The following ST3GAL3 variants were observed in gnomAD, a reference collection of about 807,000 sequenced individuals.
The protein encoded by ST3GAL3 is ST3 beta-galactoside alpha-2,3-sialyltransferase 3, also known as CMP-N-acetylneuraminate-beta-1,4-galactoside alpha-2,3-sialyltransferase.
ST3GAL3 carries 21 observed loss-of-function variants against 50.1 expected under a neutral mutation model. That is an observed-to-expected ratio of 0.42 (90% CI 0.30 to 0.60). The LOEUF (loss-of-function observed/expected upper bound fraction) is 0.60, where lower values mean the gene tolerates loss of function less well. Ranked by LOEUF, ST3GAL3 falls within the 20% of genes least tolerant of loss-of-function variation. The pLI, the probability that ST3GAL3 is intolerant of heterozygous loss-of-function variation, is 0.19. For missense variants in ST3GAL3, 353 were observed against 489.4 expected (o/e 0.72, Z 2.63); for synonymous variants, 183 against 190.0 (o/e 0.96, Z 0.30).
intron 5 of ST3GAL3, among the ~76,000 whole-genome samples, chr1:43,846,788 C>T (rs750899791): frequency 6.6e-6 from 1 of 152,224 alleles, no homozygotes; most frequent in South Asian, 2.1e-4. Context: ...CATGAGCCAC[C>T]GTGCTCAGCT....
chr1:43,823,742 G>A (rs556242757), intron 4 of ST3GAL3, among the ~76,000 whole-genome samples: 1 of 152,254 alleles, frequency 6.6e-6, no homozygotes, highest in Non-Finnish European at 1.5e-5. Context: ...GTATTACTTA[G>A]TGATCAATTA....
At chr1:43,906,441 T>C (rs1571189183) in intron 9 of ST3GAL3, among the ~76,000 whole-genome samples, 2 of 93,432 alleles carry the variant, frequency 2.1e-5, no homozygotes, top group Admixed American at 1.2e-4. Context: ...CTCTTCCCCC[T>C]CCTCCTCCTG....
In ST3GAL3 at chr1:43,805,592, A is replaced by G. The variant is rs111713665; in HGVS notation, c.167-9299A>G. ...TGTTAGGTGATGCACCTGTGAGGAAAAGAAGAGTCTTAGTGGAACTTCTAG... is the reference window on the plus strand; with the variant it reads ...TGTTAGGTGATGCACCTGTGAGGAAGAGAAGAGTCTTAGTGGAACTTCTAG... On this transcript the variant is annotated intron_variant, in intron 3 of 11. Transcript: ENST00000347631. Among the ~76,000 whole-genome samples, 8 of 152,348 alleles carry G rather than the reference A, an allele frequency of 5.3e-5. 2 individuals are homozygous for G. The highest frequency in any genetic ancestry group is 1.9e-4 in the African/African-American group (8 of 41,574).
intron 2 of ST3GAL3, among the ~76,000 whole-genome samples, chr1:43,780,313 A>G (rs1301676142): frequency 1.3e-5 from 2 of 152,038 alleles, no homozygotes; most frequent in African/African-American, 4.8e-5. Context: ...TCTGATTTTT[A>G]ATTATTTATA....
intron 5 of ST3GAL3, among the ~76,000 whole-genome samples, chr1:43,856,092 A>G (rs1415408344): frequency 6.6e-6 from 1 of 152,260 alleles, no homozygotes; most frequent in Non-Finnish European, 1.5e-5. Context: ...TGATCTCGTC[A>G]CATTCTTTTA....
In ST3GAL3 at chr1:43,901,993, G is replaced by A. The variant is rs533277947; in HGVS notation, c.744+2266G>A. On this transcript the variant is annotated intron_variant, in intron 9 of 11. Coordinates refer to ENST00000347631, the MANE Select transcript of ST3GAL3 (RefSeq NM_006279.5). ...CTGCCCAGGCCCTTTGGCTGCCCAA[G>A]GGACCTCTTCTTTAGTGTCCTTCTC... is the stretch of plus-strand genomic sequence containing the variant. Among the ~76,000 whole-genome samples, 10 of 152,330 alleles carry A rather than the reference G, an allele frequency of 6.6e-5. No homozygotes were observed. In the South Asian group the frequency reaches 2.1e-3, roughly 32 times the overall value.
intron 5 of ST3GAL3, among the ~76,000 whole-genome samples, chr1:43,872,743 C>T (rs868304053): frequency 2.2e-4 from 33 of 151,872 alleles, no homozygotes; most frequent in African/African-American, 7.5e-4. Context: ...GGCAAAGAAA[C>T]GATATAGAAA....
chr1:43,834,424 C>T (rs1406669408), intron 4 of ST3GAL3, among the ~76,000 whole-genome samples: 1 of 152,188 alleles, frequency 6.6e-6, no homozygotes, highest in African/African-American at 2.4e-5. Context: ...ACGAGTTTCA[C>T]CTCCACATTC....
chr1:43,851,133 T>G, intron 5 of ST3GAL3: 1 of 1,156,152 alleles, frequency 8.6e-7, no homozygotes, highest in South Asian at 1.2e-5. Context: ...GAGGAGCAGC[T>G]GGTTCCTGCA....
At position 43,898,546 on chromosome 1, in the gene ST3GAL3, T is replaced by C. The variant is rs369111761; in HGVS notation, c.461+248T>C. 68 of 577,676 alleles carry C rather than the reference T, an allele frequency of 1.2e-4. 2 individuals carry two copies. The highest frequency in any genetic ancestry group is 4.1e-4 in the East Asian group (13 of 31,510). The allele number at this position is 577,676 out of a possible 1,614,324, so 35.8% of individuals were successfully genotyped here. On this transcript the variant is annotated intron_variant, in intron 7 of 11. Coordinates refer to ENST00000347631, the MANE Select transcript of ST3GAL3 (RefSeq NM_006279.5). ...ATACCAGAGGTTTGAGGGTAAGAAC[T>C]GAACACACTGGGGCTGGGACTAGCC...
At chr1:43,730,571 C>CTT (rs11318191) in intron 1 of ST3GAL3, among the ~76,000 whole-genome samples, 14 of 122,370 alleles carry the variant, frequency 1.1e-4, no homozygotes, top group South Asian at 2.6e-4. Context: ...TCTTTTCTTT[C>CTT]TTTTTTTTTT....
intron 2 of ST3GAL3, among the ~76,000 whole-genome samples, chr1:43,758,468 G>A (rs990811441): frequency 6.6e-6 from 1 of 151,970 alleles, no homozygotes; most frequent in African/African-American, 2.4e-5. Flanking sequence ...GCCCAGGCTG[G>A]TCTTGAACTC....
chr1:43,920,934 G>A lies in ST3GAL3; in HGVS notation c.1038+6G>A. The A allele has an allele frequency of 6.2e-7, 1 of 1,606,338 alleles. No homozygotes were observed. Among genetic ancestry groups the A allele is most frequent in the South Asian group, 1.1e-5 (1 of 90,146 alleles). ...GCATGGCAGCCATCAAAGAGGTTCG[G>A]GGCTGGGTATGGGGGCAATCCCTGG... On this transcript the variant is annotated splice_donor_region_variant and intron_variant, in intron 11 of 11. Coordinates refer to ENST00000347631, the MANE Select transcript of ST3GAL3 (RefSeq NM_006279.5).
intron 5 of ST3GAL3, among the ~76,000 whole-genome samples, chr1:43,859,031 G>T (rs1464899783): frequency 2.0e-5 from 3 of 152,218 alleles, no homozygotes; most frequent in African/African-American, 7.2e-5. Context: ...CAGGAGAGAG[G>T]TCTGGGCTGG....
chr1:43,785,458 A>G (rs2057191117), intron 2 of ST3GAL3, among the ~76,000 whole-genome samples: 1 of 152,252 alleles, frequency 6.6e-6, no homozygotes, highest in African/African-American at 2.4e-5. Flanking sequence ...AGCAAGAGAC[A>G]TGAAGAGTAT....
At chr1:43,880,416 T>C (rs1416685891) in intron 5 of ST3GAL3, among the ~76,000 whole-genome samples, 1 of 152,100 alleles carries the variant, frequency 6.6e-6, no homozygotes, top group African/African-American at 2.4e-5. Flanking sequence ...CCTCCTCCCT[T>C]TCCACGGAAA....
At chr1:43,876,464 CTCTTAGCTG>C (rs2074138504) in intron 5 of ST3GAL3, among the ~76,000 whole-genome samples, 1 of 152,150 alleles carries the variant, frequency 6.6e-6, no homozygotes, top group Non-Finnish European at 1.5e-5. Context: ...GGGATTGAGG[CTCTTAGCTG>C]TCAGGTATAA....
At chr1:43,801,374 G>T (rs1375647573) in intron 3 of ST3GAL3, 2 of 456,114 alleles carry the variant, frequency 4.4e-6, no homozygotes, top group South Asian at 1.5e-5. Flanking sequence ...AGCATGTTAG[G>T]CTCATCATGT....
At chr1:43,811,050 C>A (rs914596063) in intron 3 of ST3GAL3, among the ~76,000 whole-genome samples, 2 of 152,208 alleles carry the variant, frequency 1.3e-5, no homozygotes, top group Non-Finnish European at 2.9e-5. Flanking sequence ...AGGATCATCA[C>A]AGACATCTTC....
Sources: allele counts gnomAD v4.1 joint callset (sites outside exome capture counted in the v4.1 genomes callset), GRCh38; gene constraint gnomAD v4.1.1; transcripts MANE v1.5; gene names NCBI Gene and HGNC (gene_info 2026-07-23, HGNC 2026-07-21).